MACROD2: variants seen among roughly 807,000 people sequenced by gnomAD.
The protein encoded by MACROD2 is ADP-ribose glycohydrolase MACROD2.
In MACROD2, 36 loss-of-function variants were observed where a neutral mutation model predicts 70.4. That is an observed-to-expected ratio of 0.51 (90% CI 0.39 to 0.68). The LOEUF (loss-of-function observed/expected upper bound fraction) is 0.68, where lower values mean the gene tolerates loss of function less well. Ranked by LOEUF, MACROD2 falls within the 30% of genes least tolerant of loss-of-function variation. The pLI is 0.00. For missense variants in MACROD2, 496 were observed against 538.4 expected, an observed-to-expected ratio of 0.92 and a Z score of 0.78; for synonymous variants, 172 against 178.8, an observed-to-expected ratio of 0.96 and a Z score of 0.30.
At chr20:14,995,640 C>T (rs1408433) in intron 5 of MACROD2, among the ~76,000 whole-genome samples, 3,278 of 152,150 alleles carry the variant, frequency 0.022, 68 homozygotes, top group Admixed American at 0.047. Context: ...CAGTGTCATA[C>T]GCTGTCAGTG....
intron 12 of MACROD2, among the ~76,000 whole-genome samples, chr20:15,960,464 A>G (rs1240761690): frequency 6.6e-6 from 1 of 152,144 alleles, no homozygotes; most frequent in Non-Finnish European, 1.5e-5. Flanking sequence ...TTGGTTTTCT[A>G]AGTTTCGGAT....
chr20:15,227,971 A>C (rs1371430602), intron 5 of MACROD2, among the ~76,000 whole-genome samples: 1 of 151,920 alleles, frequency 6.6e-6, no homozygotes, highest in Non-Finnish European at 1.5e-5. Flanking sequence ...GAAAACTTAG[A>C]ATATCATAGT....
intron 3 of MACROD2, among the ~76,000 whole-genome samples, chr20:14,100,052 A>C (rs183486437): frequency 3.7e-4 from 56 of 152,202 alleles, no homozygotes; most frequent in African/African-American, 1.3e-3. Flanking sequence ...ATGAAAATAC[A>C]AATGTATTTT....
At position 15,827,932 on chromosome 20, in the gene MACROD2, TG is replaced by T. The variant is rs2064015022; in HGVS notation, c.646-34811del. ...AGACTTCTCAGGAATTTCAGCTGGA[TG>T]GTCCAGCTCACTTATCATACTAATA... On this transcript the variant is annotated intron_variant, in intron 8 of 17. Transcript: ENST00000684519. Among the ~76,000 whole-genome samples, 3 of 152,336 alleles carry T rather than the reference TG, an allele frequency of 2.0e-5. No homozygotes were observed. In the South Asian group the frequency reaches 6.2e-4, roughly 32 times the overall value.
At chr20:14,385,652 C>G (rs2083460816) in intron 3 of MACROD2, among the ~76,000 whole-genome samples, 1 of 152,122 alleles carries the variant, frequency 6.6e-6, no homozygotes, top group Non-Finnish European at 1.5e-5. Context: ...TTGCAGAAGC[C>G]AATTTTTAAG....
intron 2 of MACROD2, among the ~76,000 whole-genome samples, chr20:14,082,405 G>A (rs539025796): frequency 4.8e-4 from 72 of 149,188 alleles, no homozygotes; most frequent in South Asian, 2.5e-3. Context: ...TGTTAGCCAG[G>A]ATGGTCTTGA....
intron 15 of MACROD2, among the ~76,000 whole-genome samples, chr20:16,033,919 A>G (rs1159952121): frequency 1.3e-5 from 2 of 152,004 alleles, no homozygotes; most frequent in Non-Finnish European, 2.9e-5. Flanking sequence ...GGCATACTCA[A>G]TGAGAGAAGG....
chr20:14,722,310 T>C, intron 5 of MACROD2, among the ~76,000 whole-genome samples: 1 of 152,098 alleles, frequency 6.6e-6, no homozygotes. Flanking sequence ...GGAACTACAA[T>C]GTCATTGGGA....
intron 5 of MACROD2, among the ~76,000 whole-genome samples, chr20:14,777,832 T>C (rs546623572): frequency 1.5e-4 from 23 of 152,256 alleles, no homozygotes; most frequent in African/African-American, 4.8e-4. Flanking sequence ...TTTCAACTTA[T>C]CAGGTGGCCT....
chr20:14,317,391 G>A (rs1287932354), intron 3 of MACROD2, among the ~76,000 whole-genome samples: 1 of 152,000 alleles, frequency 6.6e-6, no homozygotes, highest in Non-Finnish European at 1.5e-5. Context: ...AGGCCAAGGC[G>A]GGTGGATCAC....
In MACROD2 at chr20:15,519,118, CCTTT is replaced by C. The variant is rs1277113232; in HGVS notation, c.645+19284_645+19287del. Among the ~76,000 whole-genome samples, 668 of 90,958 alleles carry C rather than the reference CCTTT, an allele frequency of 7.3e-3. 11 individuals are homozygous for C. The highest frequency in any genetic ancestry group is 0.019 in the South Asian group (53 of 2,810). The allele number at this position is 90,958 out of a possible 152,430, so 59.7% of individuals were successfully genotyped here. A position where few individuals can be genotyped will look rare whatever the true frequency, so the allele number is the denominator to read the frequency against. ...TCCTTCCTTCCTTCCTTCCTTCCTTCCTTTCTTTCTTTCTTTTTCTCTTGCTCTG... is the reference window on the plus strand; with the variant it reads ...TCCTTCCTTCCTTCCTTCCTTCCTTCCTTTCTTTCTTTTTCTCTTGCTCTG... On this transcript the variant is annotated intron_variant, in intron 8 of 17. Coordinates refer to ENST00000684519, the MANE Select transcript of MACROD2 (RefSeq NM_001351661.2).
chr20:14,272,162 C>T (rs1163659924), intron 3 of MACROD2, among the ~76,000 whole-genome samples: 19 of 151,802 alleles, frequency 1.3e-4, no homozygotes, highest in Non-Finnish European at 2.5e-4. Context: ...AGATACTCCT[C>T]GAGAAGAGCA....
intron 8 of MACROD2, among the ~76,000 whole-genome samples, chr20:15,506,812 G>A (rs764800403): frequency 6.6e-6 from 1 of 152,198 alleles, no homozygotes; most frequent in African/African-American, 2.4e-5. Flanking sequence ...CAGGGGTGTG[G>A]TTAACATTCA....
chr20:15,580,658 C>T (rs1180749573), intron 8 of MACROD2, among the ~76,000 whole-genome samples: 3 of 152,086 alleles, frequency 2.0e-5, no homozygotes, highest in African/African-American at 7.2e-5. Flanking sequence ...TCCTCTTTAC[C>T]CTCTGAAGGT....
Position 15,937,464 on chromosome 20 carries a change from T to C in MACROD2, c.839-12T>C, listed in dbSNP as rs769768164. The C allele has an allele frequency of 3.5e-5, 57 of 1,612,920 alleles. No individual in the cohort carries two copies. The highest frequency in any genetic ancestry group is 4.4e-5 in the Non-Finnish European group (52 of 1,179,296). On this transcript the variant is annotated splice_polypyrimidine_tract_variant and intron_variant, in intron 11 of 17. Coordinates refer to ENST00000684519, the MANE Select transcript of MACROD2 (RefSeq NM_001351661.2). ...ATGAACTCTGAGGCAGTGTTTCTTTTCTGCTTTATAGATGGTGTCAACACT... is the reference window on the plus strand; with the variant it reads ...ATGAACTCTGAGGCAGTGTTTCTTTCCTGCTTTATAGATGGTGTCAACACT...
At chr20:15,982,125 G>T (rs2066409763) in intron 13 of MACROD2, among the ~76,000 whole-genome samples, 2 of 151,934 alleles carry the variant, frequency 1.3e-5, no homozygotes, top group South Asian at 4.2e-4. Flanking sequence ...TACTTTACTT[G>T]TGTCACCTAG....
At chr20:15,796,628 T>C (rs2063676386) in intron 8 of MACROD2, among the ~76,000 whole-genome samples, 1 of 152,196 alleles carries the variant, frequency 6.6e-6, no homozygotes, top group Non-Finnish European at 1.5e-5. Flanking sequence ...ACAGGGATTA[T>C]GGTCAAAAGT....
At chr20:15,584,353 G>T (rs2146653384) in intron 8 of MACROD2, among the ~76,000 whole-genome samples, 1 of 152,216 alleles carries the variant, frequency 6.6e-6, no homozygotes, top group Non-Finnish European at 1.5e-5. Context: ...GCTAGGAAAG[G>T]AAAATATTGC....
At chr20:15,497,906 TTAAAAGTATGACA>T (rs1285312022) in intron 7 of MACROD2, among the ~76,000 whole-genome samples, 5 of 152,224 alleles carry the variant, frequency 3.3e-5, no homozygotes, top group African/African-American at 1.2e-4. Flanking sequence ...CAGGGACTCA[TTAAAAGTATGACA>T]TAGCTACTCG....
Sources: allele counts gnomAD v4.1 joint callset (sites outside exome capture counted in the v4.1 genomes callset), GRCh38; gene constraint gnomAD v4.1.1; transcripts MANE v1.5; gene names NCBI Gene and HGNC (gene_info 2026-07-23, HGNC 2026-07-21).